EPB41L5: variants seen among roughly 807,000 people sequenced by gnomAD.
The protein encoded by EPB41L5 is band 4.1-like protein 5.
EPB41L5 carries 55 observed loss-of-function variants against 106.6 expected under a neutral mutation model. That is an observed-to-expected ratio of 0.52 (90% CI 0.42 to 0.65). The LOEUF (loss-of-function observed/expected upper bound fraction) is 0.65, where lower values mean the gene tolerates loss of function less well. Ranked by LOEUF, EPB41L5 falls within the 30% of genes least tolerant of loss-of-function variation. The pLI is 0.00. For synonymous variants in EPB41L5, 297 were observed against 306.7 expected (o/e 0.97, Z 0.33); for missense variants, 871 against 882.1 (o/e 0.99, Z 0.16).
rs542635973 is a variant in EPB41L5, at chr2:120,038,866, T to A, written c.181-3140T>A. 4.2e-4 allele frequency among the ~76,000 whole-genome samples: 64 copies of A among 152,286 alleles called. No homozygotes were observed. The South Asian group carries it at 0.013, about 32-fold the overall frequency. ...TGAAAGCAGGGACTCAAACAGATAC[T>A]TACACACCAGTGTTCGTGGCAGCAT... On this transcript the variant is annotated intron_variant, in intron 2 of 24. Transcript: ENST00000263713.
At chr2:120,148,371 A>G (rs542295797) in intron 20 of EPB41L5, among the ~76,000 whole-genome samples, 1 of 152,104 alleles carries the variant, frequency 6.6e-6, no homozygotes, top group South Asian at 2.1e-4. Flanking sequence ...ACTCACTATA[A>G]TACTCATCCT....
At position 120,175,113 on chromosome 2, in the gene EPB41L5, T is replaced by C; in HGVS notation, c.*206T>C. On this transcript the variant is annotated 3_prime_UTR_variant, in exon 25 of 25. Transcript: ENST00000263713. ...CACTGCATAGCTGCCCAAAAGAGAGTGTTTGGTCTTGAACTTTCTATACTT... is the reference window on the plus strand; with the variant it reads ...CACTGCATAGCTGCCCAAAAGAGAGCGTTTGGTCTTGAACTTTCTATACTT... The C allele has an allele frequency of 3.5e-6, 2 of 566,626 alleles. No homozygotes were observed. Among genetic ancestry groups the C allele is most frequent in the Non-Finnish European group, 6.4e-6 (2 of 313,354 alleles). The allele number at this position is 566,626 out of a possible 1,614,324, so 35.1% of individuals were successfully genotyped here.
intron 22 of EPB41L5, 68 bp downstream of exon 22, chr2:120,164,978 C>T (rs1479133674): frequency 8.4e-7 from 1 of 1,185,926 alleles, no homozygotes; most frequent in East Asian, 2.4e-5. Context: ...TGCTAGATTC[C>T]AGTTTTTTCC....
At chr2:120,164,420 C>G (rs1021156229) in intron 21 of EPB41L5, among the ~76,000 whole-genome samples, 1 of 152,062 alleles carries the variant, frequency 6.6e-6, no homozygotes, top group Non-Finnish European at 1.5e-5. Context: ...CTATATTGCC[C>G]AGGCTGGTCT....
intron 16 of EPB41L5, among the ~76,000 whole-genome samples, chr2:120,110,982 C>T (rs1028546649): frequency 6.6e-6 from 1 of 152,054 alleles, no homozygotes; most frequent in Non-Finnish European, 1.5e-5. Context: ...TAACTTGTAC[C>T]AATGTTAATT....
intron 16 of EPB41L5, among the ~76,000 whole-genome samples, 171 bp downstream of exon 16, chr2:120,100,985 T>C (rs1684109378): frequency 6.6e-6 from 1 of 152,216 alleles, no homozygotes; most frequent in African/African-American, 2.4e-5. Flanking sequence ...ATAAGGATGT[T>C]GGTGATAAAG....
rs1432251190 is a variant in EPB41L5, at chr2:120,090,646, T to A, written c.1043+130T>A. 5.7e-6 allele frequency: 4 copies of A among 698,590 alleles called. No individual in the cohort carries two copies. The Admixed American group carries it at 9.7e-5, about 17-fold the overall frequency. 43.3% of individuals were successfully genotyped at this position (698,590 alleles called of 1,614,324 possible). A position where few individuals can be genotyped will look rare whatever the true frequency, so the allele number is the denominator to read the frequency against. ...TAAGGTGGTTTGCCAGAGTCTTCCA[T>A]TGGCCAAAATAAAATAGAAAAAGTG... is the stretch of plus-strand genomic sequence containing the variant. On this transcript the variant is annotated intron_variant, in intron 12 of 24. Coordinates refer to ENST00000263713, the MANE Select transcript of EPB41L5 (RefSeq NM_020909.4).
chr2:120,090,771 T>C (rs946633481), intron 12 of EPB41L5, among the ~76,000 whole-genome samples: 5 of 152,190 alleles, frequency 3.3e-5, no homozygotes, highest in Non-Finnish European at 7.3e-5. Context: ...ATTAACCCAC[T>C]CCCAGTTTAT....
chr2:120,076,132 A>G (rs1331145664), intron 7 of EPB41L5, among the ~76,000 whole-genome samples: 1 of 152,216 alleles, frequency 6.6e-6, no homozygotes, highest in Non-Finnish European at 1.5e-5. Flanking sequence ...AAATAACCAC[A>G]GATGAGTACA....
intron 2 of EPB41L5, among the ~76,000 whole-genome samples, chr2:120,021,866 T>C (rs1677953499): frequency 6.6e-6 from 1 of 152,224 alleles, no homozygotes; most frequent in Non-Finnish European, 1.5e-5. Context: ...GGAGAAGATT[T>C]AGAATTGATT....
In EPB41L5 at chr2:120,143,114, G is replaced by A. The variant is rs201534394; in HGVS notation, c.1711G>A (p.Val571Ile). ...DFKSNILKAQ[V>I]EAVHKVTKED... ...CAAGAGTAACATTTTGAAGGCTCAA[G>A]TAGAAGCAGTGCATAAGGTAAGCTG... is the stretch of plus-strand genomic sequence containing the variant. Residue 571 changes from valine (V) to isoleucine (I), a missense_variant, in exon 19 of 25, where the codon GTA becomes ATA. Physicochemically the swap from Val to Ile is conservative, Grantham distance 29 (BLOSUM62 3). Coordinates refer to ENST00000263713, the MANE Select transcript of EPB41L5 (RefSeq NM_020909.4). The A allele has an allele frequency of 8.1e-6, 13 of 1,604,014 alleles. No homozygotes were observed. The African/African-American group carries it at 1.6e-4, about 20-fold the overall frequency.
intron 16 of EPB41L5, among the ~76,000 whole-genome samples, chr2:120,122,751 A>G (rs765714793): frequency 6.6e-5 from 10 of 152,198 alleles, no homozygotes; most frequent in Admixed American, 3.9e-4. Flanking sequence ...CATTGAATCT[A>G]TAAATTACCT....
At chr2:120,040,851 T>A (rs1304468962) in intron 2 of EPB41L5, among the ~76,000 whole-genome samples, 1 of 152,134 alleles carries the variant, frequency 6.6e-6, no homozygotes, top group Non-Finnish European at 1.5e-5. Context: ...GATAATAAAC[T>A]TGTCAGTTAA....
At chr2:120,047,059 T>C (rs1327255317) in intron 3 of EPB41L5, among the ~76,000 whole-genome samples, 2 of 152,248 alleles carry the variant, frequency 1.3e-5, no homozygotes, top group East Asian at 3.8e-4. Flanking sequence ...TTTTGGTTAC[T>C]GTAGCCTTGT....
At chr2:120,044,797 T>C (rs1210564993) in intron 3 of EPB41L5, among the ~76,000 whole-genome samples, 1 of 152,200 alleles carries the variant, frequency 6.6e-6, no homozygotes, top group Admixed American at 6.5e-5. Flanking sequence ...AGTTTATTCC[T>C]TCCAGTAACC....
intron 21 of EPB41L5, among the ~76,000 whole-genome samples, chr2:120,163,980 C>CTTTTTTTTTTTTTTTTTTTTTTTTTTTT (rs70949387): frequency 1.5e-5 from 1 of 68,150 alleles, no homozygotes; most frequent in African/African-American, 5.4e-5. Flanking sequence ...TTTGTATTTA[C>CTTTTTTTTTTTTTTTTTTTTTTTTTTTT]TTTTTTTTTT....
intron 18 of EPB41L5, 22 bp from the exon 19 acceptor site, chr2:120,142,981 A>G (rs1327143561): frequency 3.1e-6 from 5 of 1,599,654 alleles, no homozygotes; most frequent in African/African-American, 1.3e-5. Context: ...AGTTGATTAT[A>G]GTATATTTTT....
At chr2:120,108,967 ACATTTGGTAAGGAGGCCTGGGG>A (rs762221452) in intron 16 of EPB41L5, among the ~76,000 whole-genome samples, 42 of 152,322 alleles carry the variant, frequency 2.8e-4, no homozygotes, top group African/African-American at 8.7e-4. Context: ...TGAGTCATCC[ACATTTGGTAAGGAGGCCTGGGG>A]CATTTGTTGC....
intron 3 of EPB41L5, among the ~76,000 whole-genome samples, chr2:120,072,531 A>C (rs950375523): frequency 6.6e-6 from 1 of 152,184 alleles, no homozygotes. Context: ...GAACCAACCC[A>C]AATGCCCATC....
Sources: gnomAD v4.1 joint callset for allele counts (sites outside exome capture counted in the v4.1 genomes callset) on GRCh38, gnomAD v4.1.1 for gene constraint, MANE v1.5 for transcripts, NCBI Gene and HGNC (gene_info 2026-07-23, HGNC 2026-07-21) for gene names.